C1orf21: variants seen among roughly 807,000 people sequenced by gnomAD.
C1orf21 encodes the protein uncharacterized protein C1orf21.
In C1orf21, 3 loss-of-function variants were observed where a neutral mutation model predicts 18.7. The observed-to-expected ratio is 0.16, with a 90% CI of 0.07 to 0.42. The LOEUF is 0.42. Among genes scored for constraint, C1orf21 ranks in the 10% least tolerant of loss-of-function variants. The pLI is 0.99. For missense variants in C1orf21, 104 were observed against 143.6 expected (o/e 0.72, Z 1.41); for synonymous variants, 41 against 46.4 (o/e 0.88, Z 0.47).
intron 2 of C1orf21, among the ~76,000 whole-genome samples, chr1:184,493,906 C>T (rs780880325): frequency 1.4e-4 from 22 of 152,236 alleles, no homozygotes; most frequent in South Asian, 2.1e-4. Context: ...TGATGGAACT[C>T]TGAAAATTAA....
intron 3 of C1orf21, chr1:184,540,196 A>T (rs1434666268): frequency 3.3e-5 from 5 of 152,232 alleles, no homozygotes; most frequent in Non-Finnish European, 7.3e-5. Flanking sequence ...TGCATAATGC[A>T]TGTATCTTTT....
intron 3 of C1orf21, among the ~76,000 whole-genome samples, chr1:184,517,680 G>A (rs1310788444): frequency 6.6e-6 from 1 of 152,188 alleles, no homozygotes; most frequent in African/African-American, 2.4e-5. Flanking sequence ...CTGGACTTGA[G>A]GGAGGTACTT....
At chr1:184,405,493 C>T (rs920394378) in intron 1 of C1orf21, among the ~76,000 whole-genome samples, 4 of 152,154 alleles carry the variant, frequency 2.6e-5, no homozygotes, top group African/African-American at 9.7e-5. Context: ...CCACACCTGG[C>T]CCTAAAAATT....
At chr1:184,539,332 A>G (rs1444746382) in intron 3 of C1orf21, among the ~76,000 whole-genome samples, 1 of 152,182 alleles carries the variant, frequency 6.6e-6, no homozygotes, top group Non-Finnish European at 1.5e-5. Context: ...TTGGCATTCT[A>G]GGAATAAATC....
At chr1:184,390,700 T>C (rs1030193437) in intron 1 of C1orf21, among the ~76,000 whole-genome samples, 2 of 152,208 alleles carry the variant, frequency 1.3e-5, no homozygotes, top group African/African-American at 4.8e-5. Flanking sequence ...GGTACTCAGA[T>C]GACCTTTTTT....
chr1:184,604,192 G>C (rs1659621178), intron 5 of C1orf21, among the ~76,000 whole-genome samples: 1 of 152,214 alleles, frequency 6.6e-6, no homozygotes, highest in Non-Finnish European at 1.5e-5. Flanking sequence ...AGATGTGGTG[G>C]ATATGATGAT....
At chr1:184,528,375 G>A (rs762883836) in intron 3 of C1orf21, among the ~76,000 whole-genome samples, 39 of 152,094 alleles carry the variant, frequency 2.6e-4, no homozygotes, top group Non-Finnish European at 4.9e-4. Context: ...TTCCAGAATT[G>A]TAGGCATAGC....
intron 5 of C1orf21, among the ~76,000 whole-genome samples, chr1:184,609,892 T>G (rs749644013): frequency 9.9e-5 from 15 of 152,248 alleles, no homozygotes; most frequent in Non-Finnish European, 1.8e-4. Context: ...GAGATGCTGT[T>G]GGAGATGAAT....
At chr1:184,441,787 A>AT (rs1338765933) in intron 1 of C1orf21, among the ~76,000 whole-genome samples, 1 of 152,202 alleles carries the variant, frequency 6.6e-6, no homozygotes, top group Non-Finnish European at 1.5e-5. Flanking sequence ...ATAATCTTAA[A>AT]TTTTTTAATC....
chr1:184,594,838 T>A (rs1229215287), intron 4 of C1orf21, among the ~76,000 whole-genome samples: 1 of 152,228 alleles, frequency 6.6e-6, no homozygotes, highest in Non-Finnish European at 1.5e-5. Context: ...GACTTTGCCT[T>A]CTCATACTTT....
intron 1 of C1orf21, among the ~76,000 whole-genome samples, chr1:184,432,135 C>T (rs1656774959): frequency 6.6e-6 from 1 of 152,128 alleles, no homozygotes; most frequent in Admixed American, 6.5e-5. Context: ...GGATCTAGAA[C>T]CAGAAATACC....
At chr1:184,603,464 AAG>A (rs1659610972) in intron 5 of C1orf21, among the ~76,000 whole-genome samples, 1 of 152,254 alleles carries the variant, frequency 6.6e-6, no homozygotes, top group South Asian at 2.1e-4. Flanking sequence ...AACTCTGAGA[AAG>A]AGCAGTATGT....
intron 3 of C1orf21, chr1:184,542,469 T>C (rs1461614032): frequency 6.6e-6 from 1 of 152,142 alleles, no homozygotes; most frequent in Non-Finnish European, 1.5e-5. Flanking sequence ...CTCAAGGGAT[T>C]CAGTAGGATC....
chr1:184,467,461 C>T (rs1295124066), intron 1 of C1orf21, among the ~76,000 whole-genome samples: 2 of 152,212 alleles, frequency 1.3e-5, no homozygotes, highest in African/African-American at 4.8e-5. Context: ...ATATGGCACA[C>T]AGAGGCTGAC....
At chr1:184,541,858 G>A (rs1404215154) in intron 3 of C1orf21, among the ~76,000 whole-genome samples, 2 of 152,168 alleles carry the variant, frequency 1.3e-5, no homozygotes, top group Non-Finnish European at 2.9e-5. Context: ...AGCTAGAAGC[G>A]TCTGAACTTG....
In C1orf21 at chr1:184,492,657, G is replaced by A. The variant is rs573559591; in HGVS notation, c.95-14931G>A. Among the ~76,000 whole-genome samples the A allele has an allele frequency of 2.6e-5, 4 of 152,272 alleles. No individual in the cohort carries two copies. The South Asian group carries it at 8.3e-4, about 32-fold the overall frequency. ...AAGGTGAGAAAGCTTGAAGTGTGTG[G>A]AGTTGTATCTCTGCTTCCACCTTGG... On this transcript the variant is annotated intron_variant, in intron 2 of 5. Coordinates refer to ENST00000235307, the MANE Select transcript of C1orf21 (RefSeq NM_030806.4).
chr1:184,580,003 G>C lies in C1orf21; in HGVS notation c.190-10736G>C, dbSNP rs541979352. Among the ~76,000 whole-genome samples, 30 of 152,274 alleles carry C rather than the reference G, an allele frequency of 2.0e-4. No individual in the cohort carries two copies. The Middle Eastern group carries it at 0.014, about 69-fold the overall frequency. ...TGTCATGGTGGAGAAGGACTCTCTG[G>C]TGAAGCTTTCTGGGGCATTTTTCTC... On this transcript the variant is annotated intron_variant, in intron 3 of 5. Transcript: ENST00000235307.
intron 2 of C1orf21, among the ~76,000 whole-genome samples, chr1:184,493,066 TA>T (rs1657837936): frequency 6.6e-6 from 1 of 152,220 alleles, no homozygotes; most frequent in Non-Finnish European, 1.5e-5. Context: ...TCTAAAGGAT[TA>T]TATTTCTGTG....
chr1:184,568,272 G>T (rs765312130), intron 3 of C1orf21: 1 of 300,760 alleles, frequency 3.3e-6, no homozygotes, highest in Non-Finnish European at 6.6e-6. Flanking sequence ...CAGTTCAGTG[G>T]CATTAAGTAC....
Sources: allele counts gnomAD v4.1 joint callset (sites outside exome capture counted in the v4.1 genomes callset), GRCh38; gene constraint gnomAD v4.1.1; transcripts MANE v1.5; gene names NCBI Gene and HGNC (gene_info 2026-07-23, HGNC 2026-07-21).